ST8SIA6: variants seen among roughly 807,000 people sequenced by gnomAD.
ST8SIA6 encodes the protein alpha-2,8-sialyltransferase 8F.
A neutral mutation model predicts 33.6 loss-of-function variants in ST8SIA6; 39 were observed. The ratio of observed to expected loss-of-function variants is 1.16; its 90% CI spans 0.90 to 1.52. The LOEUF (loss-of-function observed/expected upper bound fraction) is 1.52. ST8SIA6 is among the 40% of genes most tolerant of loss of function. The pLI is 0.00. For missense variants in ST8SIA6, 441 were observed against 443.8 expected (o/e 0.99, Z 0.06); for synonymous variants, 172 against 167.2 (o/e 1.03, Z -0.22).
intron 2 of ST8SIA6, among the ~76,000 whole-genome samples, chr10:17,431,585 A>G (rs780819293): frequency 3.9e-5 from 6 of 152,222 alleles, no homozygotes; most frequent in Non-Finnish European, 8.8e-5. Context: ...AAACAAGGAA[A>G]GAATTCAGAA....
intron 7 of ST8SIA6, among the ~76,000 whole-genome samples, chr10:17,321,926 C>A (rs1390599314): frequency 6.6e-6 from 1 of 151,896 alleles, no homozygotes; most frequent in African/African-American, 2.4e-5. Flanking sequence ...TGAGACCCCG[C>A]CCCACATCTC....
chr10:17,415,731 C>G (rs1402915235), intron 2 of ST8SIA6, among the ~76,000 whole-genome samples: 4 of 151,666 alleles, frequency 2.6e-5, no homozygotes, highest in Non-Finnish European at 5.9e-5. Context: ...AAAGGGCTCT[C>G]TCACCCAACA....
Position 17,380,965 on chromosome 10 carries a change from G to A in ST8SIA6, c.290+9566C>T, listed in dbSNP as rs901034685. ...TATGTGTACGTGTTTGTATTTGAAA[G>A]GCCTTCATGTTTTGAGGGGTTTTTT... On this transcript the variant is annotated intron_variant, in intron 3 of 7. Transcript: ENST00000377602. 2.1e-5 allele frequency among the ~76,000 whole-genome samples: 3 copies of A among 144,614 alleles called. No homozygotes were observed. In the Admixed American group the frequency reaches 2.1e-4, roughly 10 times the overall value. The allele number at this position is 144,614 out of a possible 152,430, so 94.9% of individuals were successfully genotyped here. A position where few individuals can be genotyped will look rare whatever the true frequency, so the allele number is the denominator to read the frequency against.
intron 2 of ST8SIA6, among the ~76,000 whole-genome samples, chr10:17,427,987 C>T (rs17367603): frequency 6.6e-6 from 1 of 152,148 alleles, no homozygotes; most frequent in Non-Finnish European, 1.5e-5. Flanking sequence ...CACAAGAGTC[C>T]TTCTATTTGT....
At chr10:17,326,209 A>G (rs2131579103) in intron 6 of ST8SIA6, among the ~76,000 whole-genome samples, 1 of 152,166 alleles carries the variant, frequency 6.6e-6, no homozygotes, top group East Asian at 1.9e-4. Flanking sequence ...TCAATTGCTT[A>G]AAAGGGCAGC....
intron 2 of ST8SIA6, among the ~76,000 whole-genome samples, chr10:17,411,907 A>G (rs1034970595): frequency 1.1e-4 from 16 of 145,866 alleles, no homozygotes; most frequent in African/African-American, 4.1e-4. Flanking sequence ...ATTTCAGAAA[A>G]TGCTTTTAAG....
intron 3 of ST8SIA6, among the ~76,000 whole-genome samples, chr10:17,385,219 C>T (rs442395): frequency 1.3e-5 from 2 of 151,946 alleles, no homozygotes; most frequent in Non-Finnish European, 2.9e-5. Context: ...GGCCTTCCTT[C>T]GAAAAGCTCA....
At chr10:17,380,837 GTGTACGTT>G (rs1226723037) in intron 3 of ST8SIA6, among the ~76,000 whole-genome samples, 1 of 119,220 alleles carries the variant, frequency 8.4e-6, no homozygotes. Context: ...GTGTTTGTAT[GTGTACGTT>G]TGTGTGTTTG....
chr10:17,407,487 C>G (rs1223418088), intron 2 of ST8SIA6, among the ~76,000 whole-genome samples: 2 of 152,200 alleles, frequency 1.3e-5, no homozygotes, highest in African/African-American at 4.8e-5. Flanking sequence ...CCTCACTTCT[C>G]CCCACCCTCA....
intron 7 of ST8SIA6, 113 bp downstream of exon 7, chr10:17,322,952 A>G: frequency 1.1e-6 from 1 of 927,146 alleles, no homozygotes; most frequent in Non-Finnish European, 1.6e-6. Context: ...CCAAAAACTC[A>G]TTCCACCTGT....
intron 7 of ST8SIA6, 38 bp downstream of exon 7, chr10:17,323,027 A>G: frequency 1.9e-6 from 3 of 1,543,044 alleles, no homozygotes; most frequent in Non-Finnish European, 1.8e-6. Context: ...ACAATGAAAA[A>G]GTGTTCCTGA....
intron 2 of ST8SIA6, among the ~76,000 whole-genome samples, chr10:17,412,286 C>G (rs1353750790): frequency 6.6e-6 from 1 of 152,142 alleles, no homozygotes; most frequent in African/African-American, 2.4e-5. Flanking sequence ...AACTCTAGAG[C>G]CACATCCTAT....
chr10:17,400,123 A>G (rs545397253), intron 2 of ST8SIA6, among the ~76,000 whole-genome samples: 2 of 152,168 alleles, frequency 1.3e-5, no homozygotes, highest in Non-Finnish European at 2.9e-5. Context: ...TAGGACCTCT[A>G]TCATGCAGGA....
At position 17,374,764 on chromosome 10, in the gene ST8SIA6, T is replaced by TATATATATATATACAC. The variant is rs1441288579; in HGVS notation, c.291-15165_291-15164insGTGTATATATATATAT. Reference sequence around the variant, plus strand: ...TAAATAAATAATAAATATATATATATATATTTAGCTCAACTGCCCTCCCAA... The same window carrying TATATATATATATACAC: ...TAAATAAATAATAAATATATATATATATATATATATATACACATATTTAGCTCAACTGCCCTCCCAA... On this transcript the variant is annotated intron_variant, in intron 3 of 7. Coordinates refer to ENST00000377602, the MANE Select transcript of ST8SIA6 (RefSeq NM_001004470.3). Among the ~76,000 whole-genome samples, 56 of 126,848 alleles carry TATATATATATATACAC rather than the reference T, an allele frequency of 4.4e-4. 1 individual carries two copies. Among genetic ancestry groups the TATATATATATATACAC allele is most frequent in the East Asian group, 2.8e-3 (9 of 3,178 alleles). 83.2% of individuals were successfully genotyped at this position (126,848 alleles called of 152,430 possible). A position where few individuals can be genotyped will look rare whatever the true frequency, so the allele number is the denominator to read the frequency against.
At chr10:17,346,429 A>G (rs995988826) in intron 4 of ST8SIA6, among the ~76,000 whole-genome samples, 1 of 152,150 alleles carries the variant, frequency 6.6e-6, no homozygotes, top group East Asian at 1.9e-4. Context: ...CCCCATCTTT[A>G]CAACAATTTC....
chr10:17,432,566 T>C (rs1035929839), intron 2 of ST8SIA6, among the ~76,000 whole-genome samples: 1 of 152,208 alleles, frequency 6.6e-6, no homozygotes, highest in South Asian at 2.1e-4. Context: ...CAGTTGCATA[T>C]GAGTTCACAG....
intron 4 of ST8SIA6, among the ~76,000 whole-genome samples, chr10:17,342,197 C>A (rs10904931): frequency 0.52 from 79,180 of 152,058 alleles, 20,889 homozygotes; most frequent in African/African-American, 0.6. Flanking sequence ...CATGGTATTA[C>A]AATTTGCAAA....
intron 3 of ST8SIA6, among the ~76,000 whole-genome samples, chr10:17,368,027 A>T (rs1487926921): frequency 6.6e-6 from 1 of 152,094 alleles, no homozygotes; most frequent in Non-Finnish European, 1.5e-5. Flanking sequence ...ATATTTATTG[A>T]AAAAATATTT....
chr10:17,432,553 A>G (rs906739946), intron 2 of ST8SIA6, among the ~76,000 whole-genome samples: 1 of 152,226 alleles, frequency 6.6e-6, no homozygotes, highest in South Asian at 2.1e-4. Context: ...TAGCCAACAA[A>G]TGCAGTTGCA....
Sources: allele counts gnomAD v4.1 joint callset (sites outside exome capture counted in the v4.1 genomes callset), GRCh38; gene constraint gnomAD v4.1.1; transcripts MANE v1.5; gene names NCBI Gene and HGNC (gene_info 2026-07-23, HGNC 2026-07-21).